The following CCDC57 variants were observed in gnomAD, a reference collection of about 807,000 sequenced individuals.
CCDC57 encodes coiled-coil domain-containing protein 57.
A neutral mutation model predicts 118.9 loss-of-function variants in CCDC57; 118 were observed. The ratio of observed to expected loss-of-function variants is 0.99; its 90% CI spans 0.86 to 1.16. The LOEUF (loss-of-function observed/expected upper bound fraction) is 1.16, where lower values mean the gene tolerates loss of function less well. Ranked by LOEUF, CCDC57 falls within the 50% of genes most tolerant of loss-of-function variation. CCDC57 has a pLI of 0.00. For missense variants in CCDC57, 1,300 were observed against 1,320.7 expected, an observed-to-expected ratio of 0.98 and a Z score of 0.24; for synonymous variants, 527 against 532.9, an observed-to-expected ratio of 0.99 and a Z score of 0.15.
chr17:82,166,273 G>A (rs998763425), intron 13 of CCDC57, among the ~76,000 whole-genome samples: 1 of 151,850 alleles, frequency 6.6e-6, no homozygotes, highest in Non-Finnish European at 1.5e-5. Flanking sequence ...ACTGGGGAGG[G>A]TAGAGGTGAG....
intron 1 of CCDC57, among the ~76,000 whole-genome samples, chr17:82,211,484 G>A (rs2050177710): frequency 6.6e-6 from 1 of 152,070 alleles, no homozygotes; most frequent in Admixed American, 6.6e-5. Flanking sequence ...GCATTCTAGG[G>A]GCTCTGGGCA....
exon 8 of CCDC57, chr17:82,188,326 G>T: frequency 6.2e-7 from 1 of 1,607,550 alleles, no homozygotes. Context: ...CCAGAACCCT[G>T]GTCTGCAGCT....
chr17:82,121,124 G>A (rs1031467197), intron 19 of CCDC57, among the ~76,000 whole-genome samples: 3 of 152,138 alleles, frequency 2.0e-5, no homozygotes, highest in African/African-American at 2.4e-5. Context: ...GGTGGCTCCC[G>A]CCTGTAATCC....
chr17:82,101,847 T>C (rs942444652), exon 20 of CCDC57: 5 of 1,578,448 alleles, frequency 3.2e-6, no homozygotes, highest in Non-Finnish European at 4.3e-6. Flanking sequence ...TCCTGTCGGC[T>C]GCTGGAGGAG....
intron 7 of CCDC57, among the ~76,000 whole-genome samples, chr17:82,189,098 C>T (rs2047334099): frequency 6.6e-6 from 1 of 151,860 alleles, no homozygotes; most frequent in African/African-American, 2.4e-5. Flanking sequence ...GGCAAAACAC[C>T]CTCTACAAAA....
chr17:82,128,089 G>A (rs1337719876), intron 18 of CCDC57, among the ~76,000 whole-genome samples, 181 bp from the exon 18 acceptor site: 2 of 152,092 alleles, frequency 1.3e-5, no homozygotes, highest in East Asian at 1.9e-4. Context: ...TCCGGGGAGC[G>A]AGTCTCAGCG....
At chr17:82,170,508 A>G (rs1348948705) in intron 13 of CCDC57, among the ~76,000 whole-genome samples, 1 of 39,270 alleles carries the variant, frequency 2.5e-5, no homozygotes, top group Non-Finnish European at 4.8e-5. Context: ...ACTCTGTCCC[A>G]AAAAAAAAAA....
chr17:82,128,227 C>G (rs544749227), intron 18 of CCDC57, among the ~76,000 whole-genome samples: 1 of 152,294 alleles, frequency 6.6e-6, no homozygotes, highest in African/African-American at 2.4e-5. Context: ...GGGCAGATAC[C>G]CTGAGGGGCA....
At chr17:82,191,671 T>C (rs1194718105) in intron 7 of CCDC57, among the ~76,000 whole-genome samples, 1 of 152,044 alleles carries the variant, frequency 6.6e-6, no homozygotes, top group Non-Finnish European at 1.5e-5. Context: ...ACATATTTTC[T>C]AAGATTTTTT....
At position 82,202,283 on chromosome 17, in the gene CCDC57, A is replaced by G. The variant is rs574814122; in HGVS notation, c.-8-331T>C. On this transcript the variant is annotated intron_variant, in intron 2 of 19. Coordinates refer to ENST00000665763, the Ensembl canonical transcript of CCDC57. ...GGAGATCGAGACCAGCCTGGCTAACATGGTGAAACCCCGTCTCTACTAAAA... is the reference window on the plus strand; with the variant it reads ...GGAGATCGAGACCAGCCTGGCTAACGTGGTGAAACCCCGTCTCTACTAAAA... Among the ~76,000 whole-genome samples, 3 of 152,330 alleles carry G rather than the reference A, an allele frequency of 2.0e-5. No individual in the cohort carries two copies. In the South Asian group the frequency reaches 6.2e-4, roughly 32 times the overall value.
chr17:82,151,820 G>A (rs767387889), intron 15 of CCDC57, 47 bp from the exon 15 acceptor site: 2 of 1,513,922 alleles, frequency 1.3e-6, no homozygotes, highest in Middle Eastern at 2.2e-4. Flanking sequence ...CTGCCCTCAT[G>A]GGAGGACGCC....
intron 8 of CCDC57, 92 bp from the exon 8 acceptor site, chr17:82,184,024 C>CGA (rs1215832145): frequency 2.2e-6 from 1 of 453,758 alleles, no homozygotes; most frequent in Non-Finnish European, 4.0e-6. Flanking sequence ...CATGCGCGCG[C>CGA]GCGCGCGCAC....
chr17:82,147,658 T>G (rs2040973363), intron 16 of CCDC57, among the ~76,000 whole-genome samples: 2 of 121,546 alleles, frequency 1.6e-5, no homozygotes, highest in Non-Finnish European at 3.3e-5. Flanking sequence ...GATGGATACA[T>G]GGAAGGGTGG....
At chr17:82,127,955 G>A (rs372964713) in intron 18 of CCDC57, 47 bp from the exon 18 acceptor site, 110 of 1,599,532 alleles carry the variant, frequency 6.9e-5, no homozygotes, top group Middle Eastern at 2.0e-4. Context: ...CCAACCCAGA[G>A]GAAGCCACAG....
chr17:82,159,744 T>G (rs1267558878), intron 14 of CCDC57, among the ~76,000 whole-genome samples: 1 of 151,518 alleles, frequency 6.6e-6, no homozygotes, highest in East Asian at 1.9e-4. Flanking sequence ...CGATCTCAGC[T>G]CACTGCAACC....
At chr17:82,179,920 A>C (rs1162432104) in intron 9 of CCDC57, among the ~76,000 whole-genome samples, 1 of 152,170 alleles carries the variant, frequency 6.6e-6, no homozygotes, top group Admixed American at 6.6e-5. Flanking sequence ...TACACCAGCA[A>C]CTCTGGGACA....
At chr17:82,134,494 AAAG>A (rs1288792755) in intron 16 of CCDC57, among the ~76,000 whole-genome samples, 3 of 152,266 alleles carry the variant, frequency 2.0e-5, no homozygotes, top group Admixed American at 1.3e-4. Flanking sequence ...TGGCAGGCAC[AAAG>A]AAGAAGCAAA....
chr17:82,129,073 C>A (rs556891545), intron 17 of CCDC57, among the ~76,000 whole-genome samples: 1 of 152,124 alleles, frequency 6.6e-6, no homozygotes, highest in Non-Finnish European at 1.5e-5. Flanking sequence ...CACCCACCAC[C>A]ATGCCCGGCT....
chr17:82,207,239 G>A (rs2049771504), intron 2 of CCDC57, among the ~76,000 whole-genome samples: 1 of 152,062 alleles, frequency 6.6e-6, no homozygotes, highest in Admixed American at 6.5e-5. Flanking sequence ...AGGCTGAGGT[G>A]GGAGGATCGC....
Sources: gnomAD v4.1 joint callset for allele counts (sites outside exome capture counted in the v4.1 genomes callset) on GRCh38, gnomAD v4.1.1 for gene constraint, MANE v1.5 for transcripts, NCBI Gene and HGNC (gene_info 2026-07-23, HGNC 2026-07-21) for gene names.